The following ABCA4 variants were observed in gnomAD, a reference collection of about 807,000 sequenced individuals.
ABCA4 encodes the protein retinal-specific phospholipid-transporting ATPase ABCA4.
ABCA4 carries 196 observed loss-of-function variants against 263.7 expected under a neutral mutation model. The observed-to-expected ratio is 0.74, with a 90% CI of 0.66 to 0.84. The LOEUF is 0.84. Ranked by LOEUF, ABCA4 falls within the 40% of genes least tolerant of loss-of-function variation. The pLI is 0.00. For missense variants in ABCA4, 2,792 were observed against 2,855.1 expected, an observed-to-expected ratio of 0.98 and a Z score of 0.50; for synonymous variants, 1,133 against 1,094.2, an observed-to-expected ratio of 1.04 and a Z score of -0.70.
chr1:94,004,703 T>C (rs1397339057), intron 44 of ABCA4, among the ~76,000 whole-genome samples: 1 of 152,244 alleles, frequency 6.6e-6, no homozygotes, highest in Non-Finnish European at 1.5e-5. Flanking sequence ...ATGTGGAACA[T>C]TAACATGCTT....
intron 24 of ABCA4, among the ~76,000 whole-genome samples, chr1:94,039,814 C>A (rs1045593070): frequency 3.3e-5 from 5 of 152,170 alleles, no homozygotes. Context: ...AGAGTGTATT[C>A]CTCATTAAAG....
intron 20 of ABCA4, among the ~76,000 whole-genome samples, chr1:94,044,140 T>A (rs1327571166): frequency 1.5e-5 from 2 of 137,718 alleles, no homozygotes; most frequent in African/African-American, 2.6e-5. Context: ...CTTCCTCCCT[T>A]CCTTTTTTTT....
rs1420614924 is a variant in ABCA4, at chr1:94,014,635, T to A, written c.5368A>T (p.Thr1790Ser). Reference sequence around the variant, plus strand: ...GCACAAGATAAAGCCACATAGGCTGTGCTGGGGACATCAAACAGGAAGGAT... The same window carrying A: ...GCACAAGATAAAGCCACATAGGCTGAGCTGGGGACATCAAACAGGAAGGAT... ...PASFLFDVPS[T>S]AYVALSCANL... The change falls in exon 38 of 50, where the codon ACA (threonine) becomes TCA (serine). Residue 1790 changes from threonine (T) to serine (S), a missense_variant. Transcript: ENST00000370225. The A allele has an allele frequency of 3.7e-6, 6 of 1,614,246 alleles. No individual in the cohort carries two copies. Among genetic ancestry groups the A allele is most frequent in the Non-Finnish European group, 4.2e-6 (5 of 1,180,048 alleles).
chr1:94,084,133 G>T (rs996402796), intron 6 of ABCA4, among the ~76,000 whole-genome samples: 2 of 152,224 alleles, frequency 1.3e-5, no homozygotes, highest in African/African-American at 4.8e-5. Context: ...TCCAGAGACT[G>T]ATGTGAACAT....
intron 1 of ABCA4, 138 bp from the exon 2 acceptor site, chr1:94,113,204 T>C: frequency 1.3e-6 from 1 of 788,136 alleles, no homozygotes; most frequent in Non-Finnish European, 2.2e-6. Context: ...CCTAAACAGT[T>C]TCCTTCCTTT....
rs540271427 is a variant in ABCA4 at position 94,111,669 on chromosome 1, C to T, written c.161-90G>A. 4.6e-4 allele frequency: 682 copies of T among 1,482,948 alleles called. 11 individuals carry two copies. The South Asian group carries it at 7.5e-3, about 16-fold the overall frequency. 91.9% of individuals were successfully genotyped at this position (1,482,948 alleles called of 1,614,324 possible). On this transcript the variant is annotated intron_variant, in intron 2 of 49. Transcript: ENST00000370225. ...GGAGTTGGCCTTTTTGGGAAGGGGC[C>T]CGGGCCCCTCTGATGTCCTCCTTCA...
chr1:94,005,682 GCTT>G (rs1659359744), intron 43 of ABCA4, 100 bp from the exon 44 acceptor site: 2 of 1,206,854 alleles, frequency 1.7e-6, no homozygotes, highest in Non-Finnish European at 2.4e-6. Flanking sequence ...AAAGGAAGCT[GCTT>G]CTTCTCTTCT....
At chr1:94,002,738 G>A (rs998922975) in intron 44 of ABCA4, among the ~76,000 whole-genome samples, 2 of 152,116 alleles carry the variant, frequency 1.3e-5, no homozygotes, top group African/African-American at 4.8e-5. Context: ...TCTCTCCTCT[G>A]CAGGCTCTCC....
At position 94,005,667 on chromosome 1, in the gene ABCA4, C is replaced by T. The variant is rs2275028; in HGVS notation, c.6006-85G>A. ...CTAGGGCTGGAGAAGCTTCTGCCAACGGGAAAAGGAAGCTGCTTCTTCTCT... is the reference window on the plus strand; with the variant it reads ...CTAGGGCTGGAGAAGCTTCTGCCAATGGGAAAAGGAAGCTGCTTCTTCTCT... On this transcript the variant is annotated intron_variant, in intron 43 of 49. Transcript: ENST00000370225. The T allele has an allele frequency of 0.034, 48,041 of 1,395,936 alleles. 1,173 individuals are homozygous for T. The highest frequency in any genetic ancestry group is 0.1 in the African/African-American group (7,280 of 70,272). The allele number at this position is 1,395,936 out of a possible 1,614,324, so 86.5% of individuals were successfully genotyped here. A position where few individuals can be genotyped will look rare whatever the true frequency, so the allele number is the denominator to read the frequency against.
intron 1 of ABCA4, among the ~76,000 whole-genome samples, chr1:94,117,318 C>T (rs1318973743): frequency 1.3e-5 from 2 of 152,078 alleles, no homozygotes; most frequent in African/African-American, 2.4e-5. Flanking sequence ...AAACATGACC[C>T]GGAGCCTGGG....
intron 11 of ABCA4, among the ~76,000 whole-genome samples, chr1:94,070,721 C>T (rs1190198798): frequency 6.6e-6 from 1 of 152,096 alleles, no homozygotes; most frequent in Non-Finnish European, 1.5e-5. Context: ...AGTCCTGAAG[C>T]GTGGGTGTGG....
intron 14 of ABCA4, among the ~76,000 whole-genome samples, chr1:94,058,893 T>C (rs1048428739): frequency 1.2e-4 from 18 of 152,124 alleles, no homozygotes; most frequent in Admixed American, 3.3e-4. Context: ...TTCTTTCCTG[T>C]GTTGTTGAGG....
chr1:94,037,442 C>T, intron 24 of ABCA4, 92 bp from the exon 25 acceptor site: 1 of 1,158,572 alleles, frequency 8.6e-7, no homozygotes. Context: ...CTCCACTTCC[C>T]CTTTGAAGAA....
At chr1:94,085,169 G>A (rs1036643970) in intron 6 of ABCA4, among the ~76,000 whole-genome samples, 1 of 152,126 alleles carries the variant, frequency 6.6e-6, no homozygotes, top group Admixed American at 6.5e-5. Context: ...GTTCTTACAT[G>A]TTAGAGATAC....
In ABCA4 at chr1:94,001,956, C is replaced by G. The variant is rs1322454000; in HGVS notation, c.6184G>C (p.Val2062Leu). Residue 2062 changes from valine (V) to leucine (L), a missense_variant, in exon 45 of 50, where the codon GTC (valine) becomes CTC (leucine). Val to Leu is a conservative substitution (Grantham distance 32, BLOSUM62 1). Coordinates refer to ENST00000370225, the MANE Select transcript of ABCA4 (RefSeq NM_000350.3). ...GTGCCAGCCAGGCAGTCGGCGTAGA[C>G]AGTCAGGCCCAGGCTCTTAATACTC... ...NWSIKSLGLT[V>L]YADCLAGTYS... 10 of 1,614,242 alleles carry G rather than the reference C, an allele frequency of 6.2e-6. No homozygotes were observed. The highest frequency in any genetic ancestry group is 7.6e-6 in the Non-Finnish European group (9 of 1,180,046).
intron 43 of ABCA4, among the ~76,000 whole-genome samples, chr1:94,006,848 G>T (rs1659402934): frequency 6.6e-6 from 1 of 152,204 alleles, no homozygotes; most frequent in South Asian, 2.1e-4. Context: ...TTATAAACCA[G>T]GGCAGAGGCT....
intron 17 of ABCA4, among the ~76,000 whole-genome samples, chr1:94,050,701 A>G (rs1313743195): frequency 6.6e-6 from 1 of 152,168 alleles, no homozygotes; most frequent in African/African-American, 2.4e-5. Context: ...TTACAGGTAG[A>G]CAAGTCAATA....
chr1:94,049,820 C>T (rs939310866), intron 17 of ABCA4, among the ~76,000 whole-genome samples: 8 of 151,184 alleles, frequency 5.3e-5, no homozygotes, highest in African/African-American at 9.8e-5. Flanking sequence ...TATAAACACA[C>T]GCATTGAACA....
chr1:94,043,403 C>T lies in ABCA4; in HGVS notation c.3123G>A (p.Glu1041=), dbSNP rs1309658885. ...CTGTGTCCTCCAACATGGCTTCCAT[C>T]TCCAGCTGGGCCTCCTCCTGGGACT... is the stretch of plus-strand genomic sequence containing the variant. ...KGKSQEEAQL[E]MEAMLEDTGL... The change falls in exon 21 of 50, where the codon GAG becomes GAA. Residue 1041 remains glutamate, a synonymous_variant. Transcript: ENST00000370225. The T allele has an allele frequency of 6.2e-7, 1 of 1,614,062 alleles. No individual in the cohort carries two copies. The highest frequency in any genetic ancestry group is 1.3e-5 in the African/African-American group (1 of 74,918).
Sources: gnomAD v4.1 joint callset for allele counts (sites outside exome capture counted in the v4.1 genomes callset) on GRCh38, gnomAD v4.1.1 for gene constraint, MANE v1.5 for transcripts, NCBI Gene and HGNC (gene_info 2026-07-23, HGNC 2026-07-21) for gene names.